FBXO36: variants seen among roughly 807,000 people sequenced by gnomAD.
FBXO36 encodes the protein F-box protein 36.
In FBXO36, 18 loss-of-function variants were observed where a neutral mutation model predicts 17.0. The ratio of observed to expected loss-of-function variants is 1.06; its 90% CI spans 0.73 to 1.57. The LOEUF (loss-of-function observed/expected upper bound fraction) is 1.57. Ranked by LOEUF, FBXO36 falls within the 40% of genes most tolerant of loss-of-function variation. The pLI, the probability that FBXO36 is intolerant of heterozygous loss-of-function variation, is 0.00. For synonymous variants in FBXO36, 83 were observed against 85.3 expected, an observed-to-expected ratio of 0.97 and a Z score of 0.15; for missense variants, 229 against 221.9, an observed-to-expected ratio of 1.03 and a Z score of -0.20.
chr2:229,944,931 A>C (rs1307265643), intron 1 of FBXO36, among the ~76,000 whole-genome samples: 2 of 152,194 alleles, frequency 1.3e-5, no homozygotes, highest in Non-Finnish European at 2.9e-5. Flanking sequence ...TAAATAATTT[A>C]GTTAGGTTTA....
intron 3 of FBXO36, among the ~76,000 whole-genome samples, chr2:229,997,464 G>A (rs1053131199): frequency 1.3e-5 from 2 of 151,900 alleles, no homozygotes; most frequent in Non-Finnish European, 2.9e-5. Context: ...TGTAATCCCA[G>A]CTACTCAGGA....
intron 3 of FBXO36, among the ~76,000 whole-genome samples, chr2:230,009,230 G>A (rs2077402356): frequency 6.6e-6 from 1 of 152,172 alleles, no homozygotes; most frequent in South Asian, 2.1e-4. Context: ...TGCTGTTTGG[G>A]ATAGGAGGTA....
rs79719518 is a variant in FBXO36, at chr2:229,979,352, A to G, written c.205+3003A>G. ...ATATAAATATATATAGTGTGTGTGT[A>G]TATATATATATATGTATGTGATAGT... On this transcript the variant is annotated intron_variant, in intron 2 of 3. Coordinates refer to ENST00000283946, the MANE Select transcript of FBXO36 (RefSeq NM_174899.5). Among the ~76,000 whole-genome samples the G allele has an allele frequency of 5.4e-3, 809 of 150,204 alleles. 5 individuals carry two copies. Among genetic ancestry groups the G allele is most frequent in the African/African-American group, 0.018 (738 of 41,060 alleles).
intron 1 of FBXO36, 82 bp from the exon 2 acceptor site, chr2:229,976,159 C>A: frequency 1.9e-6 from 2 of 1,027,766 alleles, no homozygotes; most frequent in Middle Eastern, 3.2e-4. Flanking sequence ...TAGCCTTATG[C>A]AAATTTTCAA....
At chr2:230,009,576 G>A (rs2077404117) in intron 3 of FBXO36, among the ~76,000 whole-genome samples, 1 of 152,308 alleles carries the variant, frequency 6.6e-6, no homozygotes, top group Admixed American at 6.5e-5. Flanking sequence ...ATCACCAGGG[G>A]TAGCATCTTG....
At chr2:229,941,706 C>T (rs2076999636) in intron 1 of FBXO36, among the ~76,000 whole-genome samples, 1 of 152,030 alleles carries the variant, frequency 6.6e-6, no homozygotes, top group Admixed American at 6.6e-5. Context: ...CAATTAATCT[C>T]ACCTTTTAGT....
intron 3 of FBXO36, among the ~76,000 whole-genome samples, chr2:230,004,499 A>T (rs186356408): frequency 6.6e-6 from 1 of 152,272 alleles, no homozygotes; most frequent in East Asian, 1.9e-4. Flanking sequence ...CCTGACCCTC[A>T]TTCCTCTGAT....
At chr2:229,938,196 G>T (rs2076975657) in intron 1 of FBXO36, among the ~76,000 whole-genome samples, 1 of 144,778 alleles carries the variant, frequency 6.9e-6, no homozygotes, top group African/African-American at 2.6e-5. Context: ...CGCCCAACCG[G>T]ATTGGTTAGA....
At chr2:229,939,281 AT>A (rs891767416) in intron 1 of FBXO36, 4 of 984,346 alleles carry the variant, frequency 4.1e-6, no homozygotes, top group African/African-American at 1.8e-5. Flanking sequence ...AAGATATACA[AT>A]TTTTTTGCAC....
intron 3 of FBXO36, among the ~76,000 whole-genome samples, chr2:230,002,794 A>C (rs1560457019): frequency 6.6e-6 from 1 of 152,242 alleles, no homozygotes. Flanking sequence ...GCAAACCAGC[A>C]GCATTAGTGA....
intron 1 of FBXO36, among the ~76,000 whole-genome samples, chr2:229,932,291 CG>C: frequency 6.6e-6 from 1 of 151,872 alleles, no homozygotes; most frequent in Non-Finnish European, 1.5e-5. Flanking sequence ...GAGGCTGACG[CG>C]GATGGATCAC....
At chr2:229,954,438 T>C (rs1406835186) in intron 1 of FBXO36, among the ~76,000 whole-genome samples, 1 of 151,484 alleles carries the variant, frequency 6.6e-6, no homozygotes, top group African/African-American at 2.4e-5. Flanking sequence ...AGATGGAGTT[T>C]TGCCCTGTTG....
chr2:229,951,126 G>A (rs2077055398), intron 1 of FBXO36, among the ~76,000 whole-genome samples: 1 of 151,744 alleles, frequency 6.6e-6, no homozygotes, highest in South Asian at 2.1e-4. Flanking sequence ...GTAGAGACAG[G>A]GTTTCACCTT....
chr2:229,953,499 A>G (rs764508867), intron 1 of FBXO36, among the ~76,000 whole-genome samples: 58 of 151,654 alleles, frequency 3.8e-4, no homozygotes, highest in Non-Finnish European at 8.8e-5. Context: ...AATATGGCAA[A>G]ACCTCATCTC....
intron 1 of FBXO36, among the ~76,000 whole-genome samples, chr2:229,971,709 G>C (rs1553808065): frequency 6.6e-6 from 1 of 151,562 alleles, no homozygotes; most frequent in Admixed American, 6.6e-5. Context: ...TTTTTCTTGA[G>C]ATAAGGTCTC....
Position 229,975,753 on chromosome 2 carries a change from G to A in FBXO36, c.97-488G>A, listed in dbSNP as rs183964346. Among the ~76,000 whole-genome samples the A allele has an allele frequency of 2.7e-5, 4 of 146,902 alleles. No individual in the cohort carries two copies. The Admixed American group carries it at 2.8e-4, about 10-fold the overall frequency. On this transcript the variant is annotated intron_variant, in intron 1 of 3. Transcript: ENST00000283946. ...AACCTCCCAAAGTGTTGGGATTACAGATGTGAGCCACTATGCCCAGCCTTT... is the reference window on the plus strand; with the variant it reads ...AACCTCCCAAAGTGTTGGGATTACAAATGTGAGCCACTATGCCCAGCCTTT...
chr2:229,962,497 A>G (rs1225967123), intron 1 of FBXO36, among the ~76,000 whole-genome samples: 2 of 81,466 alleles, frequency 2.5e-5, no homozygotes, highest in Non-Finnish European at 4.9e-5. Flanking sequence ...CACCTAGTTG[A>G]TTTTTATTTT....
intron 3 of FBXO36, among the ~76,000 whole-genome samples, chr2:229,998,034 C>G (rs762191621): frequency 1.3e-5 from 2 of 152,158 alleles, no homozygotes; most frequent in Non-Finnish European, 2.9e-5. Context: ...CCCTGACTAG[C>G]TCGGTATTTA....
At chr2:229,939,946 G>C (rs372837990) in intron 1 of FBXO36, among the ~76,000 whole-genome samples, 4 of 152,152 alleles carry the variant, frequency 2.6e-5, no homozygotes, top group African/African-American at 9.7e-5. Context: ...AGCCAGGCGT[G>C]GTGGCGCAGG....
Sources: gnomAD v4.1 joint callset for allele counts (sites outside exome capture counted in the v4.1 genomes callset) on GRCh38, gnomAD v4.1.1 for gene constraint, MANE v1.5 for transcripts, NCBI Gene and HGNC (gene_info 2026-07-23, HGNC 2026-07-21) for gene names.